ATRX: variants seen among roughly 807,000 people sequenced by gnomAD.
ATRX encodes the protein ATRX chromatin remodeler.
A neutral mutation model predicts 172.6 loss-of-function variants in ATRX; 12 were observed. The observed-to-expected ratio is 0.07, with a 90% CI of 0.04 to 0.11. The LOEUF is 0.11. ATRX is among the 10% of genes least tolerant of loss of function. The pLI is 1.00. For missense variants in ATRX, 1,368 were observed against 1,767.4 expected (o/e 0.77, Z 4.05); for synonymous variants, 674 against 594.7 (o/e 1.13, Z -1.94).
chrX:77,564,205 A>G (rs1330118823), intron 28 of ATRX, among the ~76,000 whole-genome samples: 3 of 111,450 alleles, frequency 2.7e-5, no homozygotes, highest in Non-Finnish European at 3.8e-5. Flanking sequence ...CATAAAATTA[A>G]CTATCACACC....
At chrX:77,620,372 C>T (rs2148268534) in intron 20 of ATRX, 23 bp downstream of exon 20, 3 of 1,199,731 alleles carry the variant, frequency 2.5e-6, no homozygotes, top group Middle Eastern at 2.4e-4. Flanking sequence ...TATTCTACTG[C>T]ATAATCAGAG....
chrX:77,513,210 A>G (rs1381703849), intron 34 of ATRX, among the ~76,000 whole-genome samples: 3 of 103,830 alleles, frequency 2.9e-5, no homozygotes, highest in South Asian at 4.7e-4. Flanking sequence ...CCAGCTACTC[A>G]GGAGGCTAAG....
At chrX:77,731,173 G>T (rs2074284603) in intron 1 of ATRX, among the ~76,000 whole-genome samples, 1 of 108,989 alleles carries the variant, frequency 9.2e-6, no homozygotes, top group Admixed American at 9.8e-5. Context: ...CAATACTGCA[G>T]AAATAAAAAG....
At chrX:77,745,111 G>T (rs1446240225) in intron 1 of ATRX, among the ~76,000 whole-genome samples, 2 of 97,221 alleles carry the variant, frequency 2.1e-5, no homozygotes, top group Non-Finnish European at 4.0e-5. Flanking sequence ...GGTTGAGGCT[G>T]AAGTGAACCT....
chrX:77,724,898 A>T (rs2073959689), intron 1 of ATRX, among the ~76,000 whole-genome samples: 1 of 112,289 alleles, frequency 8.9e-6, no homozygotes, highest in African/African-American at 3.2e-5. Flanking sequence ...ATCTTTGGAA[A>T]TGATGTTTCA....
Position 77,671,847 on chromosome X carries a change from G to GA in ATRX, c.3809+4378dup, listed in dbSNP as rs1257387547. On this transcript the variant is annotated intron_variant, in intron 10 of 34. Coordinates refer to ENST00000373344, the MANE Select transcript of ATRX (RefSeq NM_000489.6). ...AATATCACCAAAGAACAGAGAACAAGAAAGAAACACTGGTTATAATGTTTA... is the reference window on the plus strand; with the variant it reads ...AATATCACCAAAGAACAGAGAACAAGAAAAGAAACACTGGTTATAATGTTTA... Among the ~76,000 whole-genome samples the GA allele has an allele frequency of 5.5e-5, 6 of 109,969 alleles. No individual in the cohort carries two copies. In the South Asian group the frequency reaches 1.5e-3, roughly 28 times the overall value.
rs1374547675 is a variant in ATRX, at chrX:77,593,704, C to A, written c.6102G>T (p.Gly2034=). The A allele has an allele frequency of 2.5e-6, 3 of 1,207,713 alleles. No homozygotes were observed. Among genetic ancestry groups the A allele is most frequent in the African/African-American group, 3.5e-5 (2 of 56,988 alleles). ...TATGGTAAAGCACTTACACTTTATC[C>A]CCAATTTCCTCTGCCATTCGAAGAA... ...FEILRMAEEI[G]DKVLVFSQSL... Residue 2034 remains glycine, a synonymous_variant, in exon 26 of 35, where the codon GGG becomes GGT. Transcript: ENST00000373344.
chrX:77,749,829 T>C (rs1388713338), intron 1 of ATRX, among the ~76,000 whole-genome samples: 1 of 110,985 alleles, frequency 9.0e-6, no homozygotes, highest in African/African-American at 3.3e-5. Flanking sequence ...AGACATCCCT[T>C]TGTCCAGTGT....
intron 1 of ATRX, among the ~76,000 whole-genome samples, chrX:77,777,191 TAAAAAAAAAAAAA>T (rs782165810): frequency 0.01 from 216 of 21,043 alleles, 4 homozygotes; most frequent in African/African-American, 0.035. Context: ...CTGTCTCTAC[TAAAAAAAAAAAAA>T]AAAAAAAAAA....
At chrX:77,766,892 G>C (rs1280947695) in intron 1 of ATRX, among the ~76,000 whole-genome samples, 1 of 112,193 alleles carries the variant, frequency 8.9e-6, no homozygotes, top group Non-Finnish European at 1.9e-5. Context: ...AGGTTGTAGC[G>C]AGCCGAGATC....
At chrX:77,526,845 C>A (rs1331286341) in intron 30 of ATRX, among the ~76,000 whole-genome samples, 2 of 112,103 alleles carry the variant, frequency 1.8e-5, no homozygotes, top group Non-Finnish European at 3.8e-5. Context: ...AGATTTAAAA[C>A]CTATCCTATC....
chrX:77,736,526 G>C (rs1288437301), intron 1 of ATRX, among the ~76,000 whole-genome samples: 1 of 112,350 alleles, frequency 8.9e-6, no homozygotes, highest in Non-Finnish European at 1.9e-5. Flanking sequence ...ATACCATCTT[G>C]CCTGAGTTGA....
chrX:77,645,123 A>G (rs2068845668), intron 15 of ATRX, among the ~76,000 whole-genome samples: 1 of 111,650 alleles, frequency 9.0e-6, no homozygotes, highest in African/African-American at 3.3e-5. Context: ...TGAATGAAAA[A>G]AAAAGTTAGC....
chrX:77,760,719 C>CT (rs1288068732), intron 1 of ATRX, among the ~76,000 whole-genome samples: 1 of 111,841 alleles, frequency 8.9e-6, no homozygotes, highest in Non-Finnish European at 1.9e-5. Context: ...GGCTTCAACT[C>CT]TATCTGTAAT....
At chrX:77,594,414 AC>A (rs1329443090) in intron 25 of ATRX, 1 of 112,224 alleles carries the variant, frequency 8.9e-6, no homozygotes, top group African/African-American at 3.2e-5. Context: ...TTCCCCACAA[AC>A]TTTGACTATG....
intron 1 of ATRX, among the ~76,000 whole-genome samples, chrX:77,772,679 C>T (rs1446505966): frequency 1.8e-4 from 19 of 106,867 alleles, no homozygotes. Context: ...GACAGGGTTT[C>T]ACCATTTTGG....
chrX:77,763,970 C>T (rs2075816771), intron 1 of ATRX, among the ~76,000 whole-genome samples: 2 of 109,667 alleles, frequency 1.8e-5, no homozygotes, highest in South Asian at 8.0e-4. Flanking sequence ...AAAAATGAGC[C>T]AGGTGTGGTG....
At chrX:77,774,961 T>G (rs1473872866) in intron 1 of ATRX, among the ~76,000 whole-genome samples, 2 of 111,279 alleles carry the variant, frequency 1.8e-5, no homozygotes, top group African/African-American at 6.5e-5. Flanking sequence ...CTTGAATTCC[T>G]GGCCTCAAAC....
rs190602497 is a variant in ATRX, at chrX:77,628,725, A to C, written c.5134+4482T>G. 7.1e-4 allele frequency among the ~76,000 whole-genome samples: 79 copies of C among 111,641 alleles called. 1 individual carries two copies. The highest frequency in any genetic ancestry group is 2.4e-3 in the African/African-American group (74 of 30,735). ...TGGACTCAAGCAATCATCCCATGTC[A>C]GCTTCCTGAATAGCTGAGACTACAG... On this transcript the variant is annotated intron_variant, in intron 19 of 34. Coordinates refer to ENST00000373344, the MANE Select transcript of ATRX (RefSeq NM_000489.6).
Sources: gnomAD v4.1 joint callset for allele counts (sites outside exome capture counted in the v4.1 genomes callset) on GRCh38, gnomAD v4.1.1 for gene constraint, MANE v1.5 for transcripts, NCBI Gene and HGNC (gene_info 2026-07-23, HGNC 2026-07-21) for gene names.